The following ANKRD44 variants were observed in gnomAD, a reference collection of about 807,000 sequenced individuals.
ANKRD44 encodes ankyrin repeat domain 44, also known as serine/threonine-protein phosphatase 6 regulatory ankyrin repeat subunit B.
In ANKRD44, 35 loss-of-function variants were observed where a neutral mutation model predicts 116.0. The observed-to-expected ratio is 0.30, with a 90% CI of 0.23 to 0.40. The LOEUF is 0.40. Ranked by LOEUF, ANKRD44 falls within the 10% of genes least tolerant of loss-of-function variation. The pLI, the probability that ANKRD44 is intolerant of heterozygous loss-of-function variation, is 1.00. For synonymous variants in ANKRD44, 435 were observed against 461.8 expected (o/e 0.94, Z 0.74); for missense variants, 1,014 against 1,242.6 (o/e 0.82, Z 2.77).
intron 16 of ANKRD44, among the ~76,000 whole-genome samples, chr2:197,027,248 G>C (rs540010462): frequency 9.2e-5 from 14 of 152,106 alleles, no homozygotes; most frequent in Non-Finnish European, 1.9e-4. Flanking sequence ...TGTAGTCCCA[G>C]ATACTTAGGA....
At chr2:197,137,425 A>G (rs1405692150) in intron 3 of ANKRD44, among the ~76,000 whole-genome samples, 2 of 152,202 alleles carry the variant, frequency 1.3e-5, no homozygotes, top group African/African-American at 4.8e-5. Context: ...CCTCAGGACA[A>G]GGGCTGAGAA....
intron 1 of ANKRD44, among the ~76,000 whole-genome samples, chr2:197,235,940 G>A (rs551205902): frequency 2.0e-5 from 3 of 152,138 alleles, no homozygotes; most frequent in Non-Finnish European, 4.4e-5. Flanking sequence ...TGCAGAATTA[G>A]TTGATGAGTG....
chr2:197,143,875 C>A (rs2079435431), intron 3 of ANKRD44, among the ~76,000 whole-genome samples: 2 of 152,124 alleles, frequency 1.3e-5, no homozygotes. Context: ...GTGATCCTCC[C>A]ACCTCAGCCT....
At chr2:197,078,870 T>C in intron 15 of ANKRD44, 56 bp from the exon 16 acceptor site, 2 of 1,554,100 alleles carry the variant, frequency 1.3e-6, no homozygotes, top group Non-Finnish European at 1.8e-6. Context: ...CTGAAAAAGA[T>C]AATTTATGTA....
Position 197,203,605 on chromosome 2 carries a change from G to A in ANKRD44, c.28-16499C>T, listed in dbSNP as rs1259391804. 2.0e-5 allele frequency among the ~76,000 whole-genome samples: 3 copies of A among 152,184 alleles called. No individual in the cohort carries two copies. Among genetic ancestry groups the A allele is most frequent in the Admixed American group, 6.5e-5 (1 of 15,270 alleles). ...TAATTCAGAAATTCCACTGCTATGT[G>A]TATATCCCAAAGAACTGAAAATAGG... On this transcript the variant is annotated intron_variant, in intron 1 of 27. Transcript: ENST00000282272. This position sits in a 1 kb window ranked among gnomAD's most constrained non-coding sequence, Gnocchi z 4.1.
At chr2:197,142,664 ATCACCCCTCTT>A (rs1239429526) in intron 3 of ANKRD44, among the ~76,000 whole-genome samples, 1 of 152,240 alleles carries the variant, frequency 6.6e-6, no homozygotes, top group African/African-American at 2.4e-5. Context: ...GCCTGGTTTA[ATCACCCCTCTT>A]TCACCAGATA....
intron 1 of ANKRD44, among the ~76,000 whole-genome samples, chr2:197,251,262 T>A (rs145810233): frequency 1.3e-5 from 2 of 152,328 alleles, no homozygotes; most frequent in East Asian, 3.9e-4. Context: ...TTCCATATTT[T>A]GTCTGTTGTT....
intron 1 of ANKRD44, among the ~76,000 whole-genome samples, chr2:197,244,799 T>C (rs971972838): frequency 1.3e-5 from 2 of 152,204 alleles, no homozygotes; most frequent in East Asian, 1.9e-4. Context: ...CTCCGTGTTC[T>C]AGCAAAATGA....
intron 1 of ANKRD44, among the ~76,000 whole-genome samples, chr2:197,223,239 GC>G (rs1338480252): frequency 6.6e-6 from 1 of 152,116 alleles, no homozygotes; most frequent in Non-Finnish European, 1.5e-5. Flanking sequence ...TCCAAGCAAA[GC>G]CCTGGCCCCA....
intron 16 of ANKRD44, among the ~76,000 whole-genome samples, chr2:197,041,444 C>A (rs1222224969): frequency 2.6e-5 from 4 of 152,114 alleles, no homozygotes; most frequent in African/African-American, 9.7e-5. Context: ...CCCTATAGGC[C>A]TTGGCTCAAG....
At chr2:197,286,748 T>C (rs1220996895) in intron 1 of ANKRD44, among the ~76,000 whole-genome samples, 1 of 152,036 alleles carries the variant, frequency 6.6e-6, no homozygotes, top group South Asian at 2.1e-4. Context: ...ATTCAAACTG[T>C]CGAAAAATAT....
chr2:197,243,392 A>C (rs1004928844), intron 1 of ANKRD44, among the ~76,000 whole-genome samples: 1 of 152,192 alleles, frequency 6.6e-6, no homozygotes, highest in Non-Finnish European at 1.5e-5. Flanking sequence ...ACAAAAAAAA[A>C]AATGTCTTAA....
intron 4 of ANKRD44, chr2:197,134,323 T>C (rs897226654): frequency 5.9e-5 from 9 of 152,286 alleles, no homozygotes; most frequent in Admixed American, 2.6e-4. Flanking sequence ...CATGAGCTCA[T>C]ATGTGACCCA....
At chr2:197,297,890 T>C (rs1450966831) in intron 1 of ANKRD44, among the ~76,000 whole-genome samples, 1 of 152,236 alleles carries the variant, frequency 6.6e-6, no homozygotes, top group Non-Finnish European at 1.5e-5. Context: ...GACCTAATTA[T>C]ACTAAGGCTC....
At position 197,172,353 on chromosome 2, in the gene ANKRD44, A is replaced by C. The variant is rs1411332822; in HGVS notation, c.111+14670T>G. Among the ~76,000 whole-genome samples the C allele has an allele frequency of 4.6e-5, 7 of 152,166 alleles. No homozygotes were observed. The Middle Eastern group carries it at 0.01, about 222-fold the overall frequency. On this transcript the variant is annotated intron_variant, in intron 2 of 27. Transcript: ENST00000282272. ...AAAGTGGTTGATAAAGGTGGTAGGT[A>C]AGCTGAAAAGCTCTCCCGCCACCAC...
intron 1 of ANKRD44, among the ~76,000 whole-genome samples, chr2:197,257,501 T>C (rs1447224990): frequency 6.6e-6 from 1 of 152,154 alleles, no homozygotes; most frequent in Non-Finnish European, 1.5e-5. Flanking sequence ...TTATTTAGTA[T>C]CTTAAAACAA....
At chr2:197,034,181 T>C (rs1162195407) in intron 16 of ANKRD44, among the ~76,000 whole-genome samples, 1 of 151,996 alleles carries the variant, frequency 6.6e-6, no homozygotes, top group Non-Finnish European at 1.5e-5. Context: ...CCTCAACCTA[T>C]CTTGTCAAAA....
At chr2:197,213,589 G>A (rs1183437812) in intron 1 of ANKRD44, among the ~76,000 whole-genome samples, 1 of 152,106 alleles carries the variant, frequency 6.6e-6, no homozygotes, top group Non-Finnish European at 1.5e-5. Flanking sequence ...TTATACACTT[G>A]AGCACTGTGC....
At chr2:197,301,493 G>A (rs184865300) in intron 1 of ANKRD44, 2 of 152,328 alleles carry the variant, frequency 1.3e-5, no homozygotes, top group East Asian at 3.9e-4. Context: ...CAAAAGCACA[G>A]TTTAAAAAGA....
Sources: allele counts gnomAD v4.1 joint callset (sites outside exome capture counted in the v4.1 genomes callset), GRCh38; gene constraint gnomAD v4.1.1; non-coding constraint Gnocchi (gnomAD v3.1); transcripts MANE v1.5; gene names NCBI Gene and HGNC (gene_info 2026-07-23, HGNC 2026-07-21).